The following ZNF184 variants were observed in gnomAD, a reference collection of about 807,000 sequenced individuals.
The protein encoded by ZNF184 is zinc finger protein 184.
In ZNF184, 16 loss-of-function variants were observed where a neutral mutation model predicts 54.4. That is an observed-to-expected ratio of 0.29 (90% CI 0.20 to 0.45). The LOEUF (loss-of-function observed/expected upper bound fraction) is 0.45, where lower values mean the gene tolerates loss of function less well. Among genes scored for constraint, ZNF184 ranks in the 20% least tolerant of loss-of-function variants. ZNF184 has a pLI of 1.00. For missense variants in ZNF184, 681 were observed against 888.2 expected, an observed-to-expected ratio of 0.77 and a Z score of 2.97; for synonymous variants, 254 against 295.3, an observed-to-expected ratio of 0.86 and a Z score of 1.43.
intron 3 of ZNF184, among the ~76,000 whole-genome samples, chr6:27,458,245 C>CATCT (rs1438122190): frequency 2.1e-5 from 2 of 97,390 alleles, no homozygotes. Flanking sequence ...CAATGTAAAA[C>CATCT]ATCTATAAGA....
the ZNF184 span, among the ~76,000 whole-genome samples, chr6:27,440,338 T>C: frequency 3.1e-4 from 47 of 152,358 alleles, no homozygotes; most frequent in African/African-American, 9.6e-4. Flanking sequence ...TGTAGCTCTC[T>C]GATGTACAGA....
chr6:27,412,313 A>G, the ZNF184 span, among the ~76,000 whole-genome samples: 1 of 152,182 alleles, frequency 6.6e-6, no homozygotes, highest in Non-Finnish European at 1.5e-5. Flanking sequence ...CAGAGCAGAG[A>G]GCTGGGCCAG....
chr6:27,442,193 A>G, the ZNF184 span, among the ~76,000 whole-genome samples: 5 of 152,156 alleles, frequency 3.3e-5, no homozygotes, highest in Non-Finnish European at 7.4e-5. Context: ...TGGATTCTGT[A>G]TATTACCTAG....
intron 3 of ZNF184, among the ~76,000 whole-genome samples, chr6:27,461,132 G>A (rs1199503864): frequency 6.6e-6 from 1 of 152,124 alleles, no homozygotes; most frequent in Non-Finnish European, 1.5e-5. Context: ...CTGGTCATAT[G>A]GCAGGTAAAG....
chr6:27,456,191 G>A (rs1017300715), intron 5 of ZNF184, among the ~76,000 whole-genome samples: 5 of 151,798 alleles, frequency 3.3e-5, no homozygotes, highest in Non-Finnish European at 7.4e-5. Context: ...CTGGGAAGCA[G>A]AAGCTGCAGT....
chr6:27,462,755 C>T (rs767818060), intron 3 of ZNF184, among the ~76,000 whole-genome samples: 10 of 150,982 alleles, frequency 6.6e-5, no homozygotes, highest in Non-Finnish European at 1.2e-4. Context: ...ATCCCAGCTA[C>T]TCAGGAGGCT....
chr6:27,442,855 AAAG>A, the ZNF184 span, among the ~76,000 whole-genome samples: 2 of 80,220 alleles, frequency 2.5e-5, no homozygotes, highest in African/African-American at 4.4e-5. Flanking sequence ...AGAAAGAAAG[AAAG>A]AAAGAAAGAA....
the ZNF184 span, among the ~76,000 whole-genome samples, chr6:27,410,688 C>A: frequency 6.6e-6 from 1 of 152,112 alleles, no homozygotes; most frequent in African/African-American, 2.4e-5. Context: ...CGCACCACCA[C>A]GCCCGGCTAA....
Position 27,451,385 on chromosome 6 carries a change from G to C in ZNF184, c.2174C>G (p.Pro725Arg), listed in dbSNP as rs1177400162. The change falls in exon 6 of 6, where the codon CCT becomes CGT. Residue 725 changes from proline to arginine, a missense_variant. Coordinates refer to ENST00000683788, the MANE Select transcript of ZNF184 (RefSeq NM_001318891.2). ...TTTTCCACAATCATTACATCCAAAA[G>C]GCTTCTCTCCTGAATGAATTCTCTG... ...QHQRIHSGEK[P>R]FGCNDCGKSF... 6.2e-7 allele frequency: 1 copy of C among 1,614,090 alleles called. No individual in the cohort carries two copies. Among genetic ancestry groups the C allele is most frequent in the South Asian group, 1.1e-5 (1 of 91,062 alleles).
At position 27,451,980 on chromosome 6, in the gene ZNF184, C is replaced by T; in HGVS notation, c.1579G>A (p.Glu527Lys). 6.2e-7 allele frequency: 1 copy of T among 1,613,776 alleles called. No individual in the cohort carries two copies. The highest frequency in any genetic ancestry group is 8.5e-7 in the Non-Finnish European group (1 of 1,180,006). ...CATTCTTTACATTCATAAGCTTTCT[C>T]TTGAGTATGAGTTTTCTGATGCTGA... is the stretch of plus-strand genomic sequence containing the variant. The part of the protein sequence containing the change: ...LNQHQKTHTQ[E>K]KAYECKECGK... The change falls in exon 6 of 6, where the codon GAG becomes AAG. Residue 527 changes from glutamate to lysine, a missense_variant. Transcript: ENST00000683788.
intron 3 of ZNF184, among the ~76,000 whole-genome samples, chr6:27,466,677 TAA>T (rs57473109): frequency 8.0e-5 from 12 of 150,558 alleles, no homozygotes; most frequent in South Asian, 6.3e-4. Flanking sequence ...ACCCCCCAAT[TAA>T]AAAAAAAAAT....
At chr6:27,458,295 TAAAAAAAAAAAAAA>T (rs55966783) in intron 3 of ZNF184, among the ~76,000 whole-genome samples, 1 of 62,366 alleles carries the variant, frequency 1.6e-5, no homozygotes, top group Non-Finnish European at 2.9e-5. Context: ...TTCTGCACAG[TAAAAAAAAAAAAAA>T]AAAAAAAAAA....
chr6:27,460,533 C>A (rs146080699), intron 3 of ZNF184, among the ~76,000 whole-genome samples: 1 of 152,278 alleles, frequency 6.6e-6, no homozygotes, highest in Non-Finnish European at 1.5e-5. Context: ...TAACTTTTTG[C>A]CTGAGGCACT....
chr6:27,454,962 T>C (rs932461368), intron 5 of ZNF184, among the ~76,000 whole-genome samples: 1 of 152,120 alleles, frequency 6.6e-6, no homozygotes. Flanking sequence ...ATCATGATCC[T>C]GAGGGTCAAG....
chr6:27,409,388 A>T, the ZNF184 span, among the ~76,000 whole-genome samples: 1 of 151,152 alleles, frequency 6.6e-6, no homozygotes, highest in African/African-American at 2.4e-5. Context: ...AGACCCAGCT[A>T]CTCAGGAGGC....
At chr6:27,406,414 T>C in the ZNF184 span, 1 of 152,340 alleles carries the variant, frequency 6.6e-6, no homozygotes, top group Non-Finnish European at 1.5e-5. Flanking sequence ...CCAGCTTTCA[T>C]AGCTGTCTAT....
chr6:27,432,408 A>G, the ZNF184 span, among the ~76,000 whole-genome samples: 1 of 152,338 alleles, frequency 6.6e-6, no homozygotes, highest in East Asian at 1.9e-4. This position sits in a 1 kb window ranked among gnomAD's most constrained non-coding sequence, Gnocchi z 4.0. Context: ...CTGCAGAAAG[A>G]AGGAACAGTA....
At chr6:27,416,859 A>G in the ZNF184 span, among the ~76,000 whole-genome samples, 2 of 152,206 alleles carry the variant, frequency 1.3e-5, no homozygotes, top group African/African-American at 4.8e-5. Flanking sequence ...CAGTAGGGTT[A>G]TTATCATTCC....
chr6:27,422,151 AGAAAG>A, the ZNF184 span, among the ~76,000 whole-genome samples: 768 of 89,624 alleles, frequency 8.6e-3, 88 homozygotes, highest in African/African-American at 0.025. Context: ...AAAAAAAAAA[AGAAAG>A]AAAGAAAGAA....
Sources: allele counts gnomAD v4.1 joint callset (sites outside exome capture counted in the v4.1 genomes callset), GRCh38; gene constraint gnomAD v4.1.1; non-coding constraint Gnocchi (gnomAD v3.1); transcripts MANE v1.5; gene names NCBI Gene and HGNC (gene_info 2026-07-23, HGNC 2026-07-21).